Variants in BZW1 observed in about 807,000 individuals in gnomAD.
The protein encoded by BZW1 is basic leucine zipper and W2 domains 1.
Under a neutral mutation model 54.1 loss-of-function variants are expected in BZW1, and 3 were observed. The observed-to-expected ratio is 0.06, with a 90% CI of 0.03 to 0.14. The LOEUF is 0.14. Ranked by LOEUF, BZW1 falls within the 10% of genes least tolerant of loss-of-function variation. BZW1 has a pLI of 1.00. For synonymous variants in BZW1, 152 were observed against 162.7 expected, an observed-to-expected ratio of 0.93 and a Z score of 0.50; for missense variants, 206 against 491.7, an observed-to-expected ratio of 0.42 and a Z score of 5.50.
chr2:200,816,301 G>C, intron 4 of BZW1, 24 bp from the exon 5 acceptor site: 3 of 1,518,332 alleles, frequency 2.0e-6, no homozygotes, highest in Non-Finnish European at 2.7e-6. Context: ...TGAAGTTACT[G>C]AATTCATTTA....
At chr2:200,819,960 C>CT (rs1377034463) in intron 9 of BZW1, 22 bp from the exon 10 acceptor site, 1 of 1,473,486 alleles carries the variant, frequency 6.8e-7, no homozygotes, top group African/African-American at 1.4e-5. Flanking sequence ...ATGACTAAAT[C>CT]TTTTCTCTGT....
At position 200,818,247 on chromosome 2, in the gene BZW1, A is replaced by G. The variant is rs776189634; in HGVS notation, c.673A>G (p.Ser225Gly). The change falls in exon 8 of 12, where the codon AGT becomes GGT. Residue 225 changes from serine (S) to glycine (G), a missense_variant. Transcript: ENST00000409600. Reference sequence around the variant, plus strand: ...GGAACTCTTTCCTGCCAATAAGCAAAGTGTTGAACACTTCACAAAATATTT... The same window carrying G: ...GGAACTCTTTCCTGCCAATAAGCAAGGTGTTGAACACTTCACAAAATATTT... ...LMELFPANKQ[S>G]VEHFTKYFTE... The G allele has an allele frequency of 1.9e-6, 3 of 1,587,134 alleles. No homozygotes were observed. Among genetic ancestry groups the G allele is most frequent in the East Asian group, 4.5e-5 (2 of 44,674 alleles).
Position 200,816,332 on chromosome 2 carries a change from A to G in BZW1, c.344A>G (p.Asn115Ser), listed in dbSNP as rs755909898. 3 of 1,587,492 alleles carry G rather than the reference A, an allele frequency of 1.9e-6. No individual in the cohort carries two copies. In the East Asian group the frequency reaches 6.8e-5, roughly 36 times the overall value. ...ETMQAFAQVF[N>S]KLIRRYKYLE... ...ATTTAATGTTCTTCATAGGTTTTTA[A>G]CAAGTTAATCAGGCGCTACAAATAC... Residue 115 changes from asparagine to serine, a missense_variant, in exon 5 of 12, where the codon AAC (asparagine) becomes AGC (serine). This residue lies in a region of BZW1 where 81 missense variants were observed against 257.1 expected (regional missense o/e 0.32). Transcript: ENST00000409600.
At chr2:200,820,435 T>G (rs1010777720) in intron 10 of BZW1, among the ~76,000 whole-genome samples, 8 of 152,252 alleles carry the variant, frequency 5.3e-5, no homozygotes, top group African/African-American at 1.9e-4. Flanking sequence ...ACCCCAACAC[T>G]TTGGGAGCCT....
chr2:200,815,244 T>C, intron 2 of BZW1, 97 bp from the exon 3 acceptor site: 1 of 1,245,948 alleles, frequency 8.0e-7, no homozygotes, highest in South Asian at 1.6e-5. Context: ...GAATTTAATC[T>C]AACTTATTTA....
chr2:200,817,915 G>T, intron 6 of BZW1, 59 bp from the exon 7 acceptor site: 1 of 1,182,070 alleles, frequency 8.5e-7, no homozygotes, highest in Non-Finnish European at 1.2e-6. Flanking sequence ...GATATAGGGG[G>T]ACACAGTGAT....
At position 200,823,389 on chromosome 2, in the gene BZW1, C is replaced by A. The variant is rs1281436857; in HGVS notation, c.*1211C>A. ...TTAATGGCTGCCTTTTCATTTTCAT[C>A]TTTTCTTGCTGCTACCCATCTATGT... On this transcript the variant is annotated 3_prime_UTR_variant, in exon 12 of 12. Transcript: ENST00000409600. 1 of 152,170 alleles carries A rather than the reference C, an allele frequency of 6.6e-6. No individual in the cohort carries two copies. Among genetic ancestry groups the A allele is most frequent in the African/African-American group, 2.4e-5 (1 of 41,264 alleles). 9.4% of individuals were successfully genotyped at this position (152,170 alleles called of 1,614,324 possible).
In BZW1 at chr2:200,825,416, A is replaced by G. The variant is rs1267261915; in HGVS notation, c.*3238A>G. ...ACCCCCATTGAGAATGCATGCTCTA[A>G]TATTTTTTAAAAGGGAAGAAGACCT... On this transcript the variant is annotated 3_prime_UTR_variant, in exon 12 of 12. Transcript: ENST00000409600. 1.3e-5 allele frequency: 2 copies of G among 152,090 alleles called. No homozygotes were observed. The highest frequency in any genetic ancestry group is 2.9e-5 in the Non-Finnish European group (2 of 68,038). 9.4% of individuals were successfully genotyped at this position (152,090 alleles called of 1,614,324 possible).
intron 1 of BZW1, chr2:200,812,549 C>T (rs2038113659): frequency 1.4e-6 from 2 of 1,408,352 alleles, no homozygotes; most frequent in Admixed American, 6.0e-5. Flanking sequence ...CCGATGGGGT[C>T]CTGGGCGGGA....
At chr2:200,814,664 C>T (rs760984190) in intron 2 of BZW1, among the ~76,000 whole-genome samples, 7 of 152,118 alleles carry the variant, frequency 4.6e-5, no homozygotes, top group African/African-American at 1.7e-4. Flanking sequence ...TCTGGCATGG[C>T]GAGTGAGACT....
Position 200,816,347 on chromosome 2 carries a change from G to A in BZW1, c.359G>A (p.Arg120His). Residue 120 changes from arginine to histidine, a missense_variant, in exon 5 of 12, where the codon CGC becomes CAC. Transcript: ENST00000409600. ...FAQVFNKLIR[R>H]YKYLEKGFED... ...TAGGTTTTTAACAAGTTAATCAGGC[G>A]CTACAAATACCTGGAGAAAGGTTTT... is the stretch of plus-strand genomic sequence containing the variant. 2 of 1,586,222 alleles carry A rather than the reference G, an allele frequency of 1.3e-6. No individual in the cohort carries two copies. The highest frequency in any genetic ancestry group is 1.7e-5 in the Admixed American group (1 of 59,370).
At chr2:200,820,342 A>G (rs2038463638) in intron 10 of BZW1, 1 of 393,916 alleles carries the variant, frequency 2.5e-6, no homozygotes. Flanking sequence ...AGCCATCATT[A>G]TGCGTCCTCA....
intron 6 of BZW1, 43 bp downstream of exon 6, chr2:200,817,284 G>A: frequency 6.2e-7 from 1 of 1,600,330 alleles, no homozygotes; most frequent in Non-Finnish European, 8.5e-7. Context: ...CTCAGAGTGG[G>A]GTGGATAAGA....
chr2:200,813,321 G>A, intron 2 of BZW1, 40 bp downstream of exon 2: 1 of 1,543,962 alleles, frequency 6.5e-7, no homozygotes, highest in Non-Finnish European at 8.9e-7. Context: ...CAAACCTCCA[G>A]AACATCTTGT....
intron 8 of BZW1, 37 bp downstream of exon 8, chr2:200,818,430 C>G: frequency 6.3e-7 from 1 of 1,579,788 alleles, no homozygotes; most frequent in Non-Finnish European, 8.6e-7. Flanking sequence ...TATGGCTAAG[C>G]TTCTGGCATA....
chr2:200,825,751 GCT>G lies in BZW1; in HGVS notation c.*3577_*3578del, dbSNP rs2038673898. On this transcript the variant is annotated 3_prime_UTR_variant, in exon 12 of 12. Transcript: ENST00000409600. ...GTAGGCATAACACTGATAAACCTCT[GCT>G]CTCATACTGAAGTAGGCTGCTTGCA... The G allele has an allele frequency of 2.0e-5, 3 of 152,206 alleles. No individual in the cohort carries two copies. Among genetic ancestry groups the G allele is most frequent in the African/African-American group, 7.2e-5 (3 of 41,456 alleles). The allele number at this position is 152,206 out of a possible 1,614,324, so 9.4% of individuals were successfully genotyped here. A position where few individuals can be genotyped will look rare whatever the true frequency, so the allele number is the denominator to read the frequency against.
chr2:200,812,295 C>T (rs560290433), intron 1 of BZW1: 72 of 1,233,670 alleles, frequency 5.8e-5, no homozygotes, highest in African/African-American at 5.3e-4. Context: ...GCCGCCGCGG[C>T]CTCTGTTGTG....
rs1192734299 is a variant in BZW1, at chr2:200,817,268, A to C, written c.538+27A>C. The C allele has an allele frequency of 1.9e-6, 3 of 1,608,070 alleles. No individual in the cohort carries two copies. In the African/African-American group the frequency reaches 4.0e-5, roughly 21 times the overall value. ...TAATCAGCCTTAAAGGATGGTCTTC[A>C]GTTGACTCAGAGTGGGGTGGATAAG... On this transcript the variant is annotated intron_variant, in intron 6 of 11. Coordinates refer to ENST00000409600, the MANE Select transcript of BZW1 (RefSeq NM_001207067.2).
Position 200,821,054 on chromosome 2 carries a change from C to T in BZW1, c.1106-129C>T, listed in dbSNP as rs559587999. ...TATGCGCACATGTATTATTATCTTCCATTTCTCATGGATGTTTTTAGCTTT... is the reference window on the plus strand; with the variant it reads ...TATGCGCACATGTATTATTATCTTCTATTTCTCATGGATGTTTTTAGCTTT... On this transcript the variant is annotated intron_variant, in intron 10 of 11. Coordinates refer to ENST00000409600, the MANE Select transcript of BZW1 (RefSeq NM_001207067.2). 26 of 1,125,930 alleles carry T rather than the reference C, an allele frequency of 2.3e-5. No individual in the cohort carries two copies. In the South Asian group the frequency reaches 3.3e-4, roughly 14 times the overall value. 69.7% of individuals were successfully genotyped at this position (1,125,930 alleles called of 1,614,324 possible).
Sources: gnomAD v4.1 joint callset for allele counts (sites outside exome capture counted in the v4.1 genomes callset) on GRCh38, gnomAD v4.1.1 for gene constraint, gnomAD v4.1.1 regional missense constraint, MANE v1.5 for transcripts, NCBI Gene and HGNC (gene_info 2026-07-23, HGNC 2026-07-21) for gene names.